ERBIN: variants seen among roughly 807,000 people sequenced by gnomAD.
The protein encoded by ERBIN is densin-180-like protein.
Under a neutral mutation model 158.4 loss-of-function variants are expected in ERBIN, and 60 were observed. That is an observed-to-expected ratio of 0.38 (90% CI 0.31 to 0.47). ERBIN has a LOEUF of 0.47. Among genes scored for constraint, ERBIN ranks in the 20% least tolerant of loss-of-function variants. The pLI is 0.99. For synonymous variants in ERBIN, 594 were observed against 557.2 expected, an observed-to-expected ratio of 1.07 and a Z score of -0.93; for missense variants, 1,610 against 1,648.0, an observed-to-expected ratio of 0.98 and a Z score of 0.40.
At chr5:66,018,962 T>C (rs1755387474) in intron 7 of ERBIN, among the ~76,000 whole-genome samples, 1 of 152,216 alleles carries the variant, frequency 6.6e-6, no homozygotes, top group East Asian at 1.9e-4. Flanking sequence ...GTAACTACTA[T>C]AAATGGGAAT....
In ERBIN at chr5:65,965,379, G is replaced by GTTTTTTTTTTTTTTT. The variant is rs1561304820; in HGVS notation, c.-57-23254_-57-23253insTTTTTTTTTTTTTTT. ...GCTGTTCTTACCAGATTTGTTTTTT[G>GTTTTTTTTTTTTTTT]TTGTTTTTTTTTTTTTTTTTTTTTT... On this transcript the variant is annotated intron_variant, in intron 1 of 25. Transcript: ENST00000284037. Among the ~76,000 whole-genome samples, 5 of 103,652 alleles carry GTTTTTTTTTTTTTTT rather than the reference G, an allele frequency of 4.8e-5. No individual in the cohort carries two copies. The Admixed American group carries it at 4.8e-4, about 10-fold the overall frequency. The allele number at this position is 103,652 out of a possible 152,430, so 68.0% of individuals were successfully genotyped here. A position where few individuals can be genotyped will look rare whatever the true frequency, so the allele number is the denominator to read the frequency against.
intron 20 of ERBIN, among the ~76,000 whole-genome samples, chr5:66,051,289 T>TGCA (rs1037342069): frequency 1.7e-4 from 26 of 152,160 alleles, no homozygotes; most frequent in South Asian, 4.1e-4. Flanking sequence ...TAGTTAGAAA[T>TGCA]GCAGAATCAT....
intron 21 of ERBIN, among the ~76,000 whole-genome samples, chr5:66,070,682 C>CA (rs751035645): frequency 4.8e-4 from 73 of 152,084 alleles, no homozygotes; most frequent in Middle Eastern, 3.4e-3. Flanking sequence ...AAGCACATCT[C>CA]AAAAAGGGAG....
At chr5:65,934,193 G>GC (rs1401052362) in intron 1 of ERBIN, among the ~76,000 whole-genome samples, 9 of 152,170 alleles carry the variant, frequency 5.9e-5, no homozygotes, top group African/African-American at 1.9e-4. Context: ...ACCGCGCCCA[G>GC]CCCGTCACCC....
chr5:65,984,419 C>T (rs755147966), intron 1 of ERBIN, among the ~76,000 whole-genome samples: 53 of 152,344 alleles, frequency 3.5e-4, no homozygotes, highest in Non-Finnish European at 4.3e-4. Context: ...TTTTTCTCCT[C>T]TCTGCCCCTC....
At chr5:65,954,490 C>T (rs1746863832) in intron 1 of ERBIN, among the ~76,000 whole-genome samples, 1 of 152,006 alleles carries the variant, frequency 6.6e-6, no homozygotes, top group Non-Finnish European at 1.5e-5. Context: ...TACATGTGGA[C>T]CTGAGTACAT....
chr5:65,974,724 T>G (rs180741693), intron 1 of ERBIN, among the ~76,000 whole-genome samples: 4 of 152,306 alleles, frequency 2.6e-5, no homozygotes, highest in African/African-American at 9.6e-5. Flanking sequence ...AAAAGGTAGA[T>G]AAGAGTTCGG....
At position 66,053,761 on chromosome 5, in the gene ERBIN, A is replaced by T. The variant is rs1561431066; in HGVS notation, c.2443A>T (p.Asn815Tyr). The change falls in exon 21 of 26, where the codon AAT becomes TAT. Residue 815 changes from asparagine (N) to tyrosine (Y), a missense_variant. Around this residue, in one of 2 missense-constraint regions of ERBIN, gnomAD observed 1,014 missense variants for 936.1 expected, o/e 1.08. Transcript: ENST00000284037. ...EHLENGNKYP[N>Y]LESVNKVNGH... is the part of the protein sequence containing the mutation. ...CTTGGAAAATGGAAACAAGTATCCT[A>T]ATTTGGAATCCGTAAATAAGGTAAA... is the stretch of plus-strand genomic sequence containing the variant. 1.9e-6 allele frequency: 3 copies of T among 1,613,832 alleles called. No homozygotes were observed. Among genetic ancestry groups the T allele is most frequent in the Non-Finnish European group, 1.7e-6 (2 of 1,179,976 alleles).
At chr5:66,068,157 C>T (rs1026451742) in intron 21 of ERBIN, among the ~76,000 whole-genome samples, 4 of 151,470 alleles carry the variant, frequency 2.6e-5, no homozygotes, top group Non-Finnish European at 5.9e-5. Flanking sequence ...AGTGAGACCT[C>T]GTCTCTACAA....
intron 23 of ERBIN, among the ~76,000 whole-genome samples, chr5:66,075,913 T>G (rs1761945170): frequency 6.6e-6 from 1 of 152,192 alleles, no homozygotes; most frequent in Admixed American, 6.5e-5. Flanking sequence ...TTTAGATATC[T>G]TATGTAACAA....
At chr5:66,072,018 TTGATGGCAGTAA>T (rs1580544383) in intron 21 of ERBIN, 139 bp from the exon 22 acceptor site, 1 of 656,140 alleles carries the variant, frequency 1.5e-6, no homozygotes, top group Non-Finnish European at 2.5e-6. Flanking sequence ...AAGATACTAA[TTGATGGCAGTAA>T]TGATGGCAGT....
chr5:66,038,989 C>T (rs904757194), intron 15 of ERBIN, among the ~76,000 whole-genome samples: 1 of 151,466 alleles, frequency 6.6e-6, no homozygotes, highest in Non-Finnish European at 1.5e-5. Context: ...TTTAGACTAA[C>T]GAGCAAATTG....
In ERBIN at chr5:66,048,788, T is replaced by C. The variant is rs770816747; in HGVS notation, c.1903+7T>C. 2.4e-5 allele frequency: 36 copies of C among 1,527,740 alleles called. No homozygotes were observed. Among genetic ancestry groups the C allele is most frequent in the Non-Finnish European group, 3.0e-5 (34 of 1,126,490 alleles). 94.6% of individuals were successfully genotyped at this position (1,527,740 alleles called of 1,614,324 possible). A position where few individuals can be genotyped will look rare whatever the true frequency, so the allele number is the denominator to read the frequency against. ...CTTAGTAATAACAAAAAAGGTTAGATGTTAAAGGAAAGTGCTAAGAATAGA... is the reference window on the plus strand; with the variant it reads ...CTTAGTAATAACAAAAAAGGTTAGACGTTAAAGGAAAGTGCTAAGAATAGA... On this transcript the variant is annotated splice_region_variant and intron_variant, in intron 19 of 25. Coordinates refer to ENST00000284037, the MANE Select transcript of ERBIN (RefSeq NM_001253697.2).
chr5:66,006,269 C>T (rs991425762), intron 4 of ERBIN, among the ~76,000 whole-genome samples: 1 of 152,096 alleles, frequency 6.6e-6, no homozygotes, highest in Non-Finnish European at 1.5e-5. Flanking sequence ...CTTTGACAAA[C>T]CTGACAAAAA....
At chr5:65,998,943 G>A (rs1277929169) in intron 4 of ERBIN, among the ~76,000 whole-genome samples, 1 of 149,066 alleles carries the variant, frequency 6.7e-6, no homozygotes, top group African/African-American at 2.5e-5. Context: ...AGAAACATGT[G>A]TAAAAGGTAA....
chr5:65,978,050 ACAG>A (rs1750227116), intron 1 of ERBIN, among the ~76,000 whole-genome samples: 1 of 152,228 alleles, frequency 6.6e-6, no homozygotes, highest in Admixed American at 6.5e-5. Context: ...ATATTAAGCA[ACAG>A]CTTTGTGAAT....
At position 66,018,545 on chromosome 5, in the gene ERBIN, ATT is replaced by A. The variant is rs1561381119; in HGVS notation, c.534-2776_534-2775del. Among the ~76,000 whole-genome samples, 20 of 14,130 alleles carry A rather than the reference ATT, an allele frequency of 1.4e-3. 8 individuals carry two copies. Among genetic ancestry groups the A allele is most frequent in the African/African-American group, 2.7e-3 (20 of 7,520 alleles). 9.3% of individuals were successfully genotyped at this position (14,130 alleles called of 152,430 possible). A position where few individuals can be genotyped will look rare whatever the true frequency, so the allele number is the denominator to read the frequency against. On this transcript the variant is annotated intron_variant, in intron 7 of 25. Transcript: ENST00000284037. Reference sequence around the variant, plus strand: ...ATATATATTATATTATATAATATATATTATATATTATATAATATATATTATAT... The same window carrying A: ...ATATATATTATATTATATAATATATAATATATTATATAATATATATTATAT...
At chr5:66,063,280 G>C (rs1200113333) in intron 21 of ERBIN, among the ~76,000 whole-genome samples, 1 of 152,226 alleles carries the variant, frequency 6.6e-6, no homozygotes, top group African/African-American at 2.4e-5. Flanking sequence ...CTTGCAGTTT[G>C]ATCTCAGACT....
At chr5:65,991,620 T>A (rs1751878963) in intron 2 of ERBIN, among the ~76,000 whole-genome samples, 1 of 152,224 alleles carries the variant, frequency 6.6e-6, no homozygotes. Context: ...TTTTATTTCT[T>A]CAAGTTAATT....
Sources: allele counts gnomAD v4.1 joint callset (sites outside exome capture counted in the v4.1 genomes callset), GRCh38; gene constraint gnomAD v4.1.1; regional missense constraint gnomAD v4.1.1; transcripts MANE v1.5; gene names NCBI Gene and HGNC (gene_info 2026-07-23, HGNC 2026-07-21).